The following CADM2 variants were observed in gnomAD, a reference collection of about 807,000 sequenced individuals.
CADM2 encodes the protein immunoglobulin superfamily member 4D.
In CADM2, 12 loss-of-function variants were observed where a neutral mutation model predicts 49.8. That is an observed-to-expected ratio of 0.24 (90% CI 0.15 to 0.39). The LOEUF (loss-of-function observed/expected upper bound fraction) is 0.39. Ranked by LOEUF, CADM2 falls within the 10% of genes least tolerant of loss-of-function variation. The pLI is 1.00. For missense variants in CADM2, 378 were observed against 492.3 expected, an observed-to-expected ratio of 0.77 and a Z score of 2.20; for synonymous variants, 214 against 175.4, an observed-to-expected ratio of 1.22 and a Z score of -1.74.
intron 1 of CADM2, among the ~76,000 whole-genome samples, chr3:85,257,746 A>C (rs1207443860): frequency 6.6e-6 from 1 of 152,110 alleles, no homozygotes; most frequent in African/African-American, 2.4e-5. Context: ...AAGGATGTGA[A>C]TTCAAGTGAT....
At chr3:85,189,927 A>C (rs2041166816) in intron 1 of CADM2, among the ~76,000 whole-genome samples, 1 of 147,222 alleles carries the variant, frequency 6.8e-6, no homozygotes, top group South Asian at 2.2e-4. Context: ...TAAGCAGCTT[A>C]CACAAGGTAG....
chr3:85,720,603 T>G (rs1164130164), intron 1 of CADM2, among the ~76,000 whole-genome samples: 1 of 152,292 alleles, frequency 6.6e-6, no homozygotes, highest in South Asian at 2.1e-4. Context: ...AAATAAAAAC[T>G]AGTGAAATAA....
intron 7 of CADM2, among the ~76,000 whole-genome samples, chr3:85,939,303 G>C (rs181498807): frequency 6.6e-6 from 1 of 152,106 alleles, no homozygotes; most frequent in African/African-American, 2.4e-5. Flanking sequence ...AGAGATTACT[G>C]TACATGTCTG....
intron 1 of CADM2, among the ~76,000 whole-genome samples, chr3:85,586,627 C>T (rs888000750): frequency 6.6e-6 from 1 of 152,006 alleles, no homozygotes; most frequent in African/African-American, 2.4e-5. Context: ...ACAGATGTGG[C>T]TATTTTAAAG....
intron 3 of CADM2, among the ~76,000 whole-genome samples, chr3:85,835,289 G>A (rs1034130494): frequency 4.7e-5 from 7 of 149,968 alleles, no homozygotes; most frequent in African/African-American, 1.5e-4. Flanking sequence ...GTGAGAGGTA[G>A]CTACTGTGAA....
At chr3:85,674,002 G>A (rs2065821311) in intron 1 of CADM2, among the ~76,000 whole-genome samples, 1 of 152,090 alleles carries the variant, frequency 6.6e-6, no homozygotes, top group Non-Finnish European at 1.5e-5. Context: ...AGAATCCACT[G>A]TCCTCTGTTT....
At position 85,541,718 on chromosome 3, in the gene CADM2, T is replaced by TTTA. The variant is rs1559897434; in HGVS notation, c.62-184803_62-184802insTAT. Among the ~76,000 whole-genome samples the TTTA allele has an allele frequency of 1.6e-4, 14 of 89,426 alleles. No homozygotes were observed. In the East Asian group the frequency reaches 1.9e-3, roughly 12 times the overall value. 58.7% of individuals were successfully genotyped at this position (89,426 alleles called of 152,430 possible). A position where few individuals can be genotyped will look rare whatever the true frequency, so the allele number is the denominator to read the frequency against. On this transcript the variant is annotated intron_variant, in intron 1 of 9. Coordinates refer to ENST00000383699, the MANE Select transcript of CADM2 (RefSeq NM_001167675.2). ...AATTAAATTATATATATATTTTATATTATATATATATATTTTATATATATA... is the reference window on the plus strand; with the variant it reads ...AATTAAATTATATATATATTTTATATTTATATATATATATATTTTATATATATA...
chr3:85,651,090 C>T (rs1371136497), intron 1 of CADM2, among the ~76,000 whole-genome samples: 4 of 151,798 alleles, frequency 2.6e-5, no homozygotes, highest in Admixed American at 6.6e-5. Flanking sequence ...TATTTTAATA[C>T]ATTTCCTCAG....
At chr3:85,491,821 A>G (rs971300978) in intron 1 of CADM2, among the ~76,000 whole-genome samples, 1 of 151,956 alleles carries the variant, frequency 6.6e-6, no homozygotes, top group African/African-American at 2.4e-5. Context: ...GTGTGGTGGC[A>G]GGTGCCTGTA....
chr3:85,877,218 A>T (rs1251430217), intron 3 of CADM2, among the ~76,000 whole-genome samples: 2 of 152,118 alleles, frequency 1.3e-5, no homozygotes, highest in Non-Finnish European at 2.9e-5. Context: ...GTGATATGTG[A>T]ATAACACCCT....
At chr3:86,046,824 T>C (rs1346925672) in intron 8 of CADM2, among the ~76,000 whole-genome samples, 2 of 136,532 alleles carry the variant, frequency 1.5e-5, no homozygotes, top group Non-Finnish European at 3.1e-5. Flanking sequence ...TAGAAGTGAG[T>C]GTTAGCTTTT....
At chr3:85,293,803 C>T (rs1324550277) in intron 1 of CADM2, among the ~76,000 whole-genome samples, 4 of 147,904 alleles carry the variant, frequency 2.7e-5, no homozygotes, top group African/African-American at 1.0e-4. Flanking sequence ...ATAATAAGAG[C>T]TATCTATGAC....
intron 3 of CADM2, among the ~76,000 whole-genome samples, chr3:85,809,306 T>C (rs1559672988): frequency 2.0e-5 from 3 of 152,106 alleles, no homozygotes; most frequent in African/African-American, 7.2e-5. Context: ...ACTTGAGTTT[T>C]CTGGCCAGGT....
intron 1 of CADM2, among the ~76,000 whole-genome samples, chr3:85,270,835 C>A (rs2043226975): frequency 6.6e-6 from 1 of 151,382 alleles, no homozygotes; most frequent in African/African-American, 2.4e-5. Flanking sequence ...ACATTGACTG[C>A]TTCTAAGTGC....
At chr3:85,884,010 G>A (rs1050777438) in intron 4 of CADM2, among the ~76,000 whole-genome samples, 2 of 152,102 alleles carry the variant, frequency 1.3e-5, no homozygotes, top group African/African-American at 4.8e-5. Flanking sequence ...TGTCGCTTCA[G>A]CTTGCAGCTT....
chr3:85,519,091 T>A (rs1004394402), intron 1 of CADM2, among the ~76,000 whole-genome samples: 4 of 152,096 alleles, frequency 2.6e-5, no homozygotes, highest in African/African-American at 9.7e-5. Flanking sequence ...AATATATGTA[T>A]AATAGAGCAT....
intron 1 of CADM2, among the ~76,000 whole-genome samples, chr3:85,454,332 A>G (rs2037892125): frequency 6.6e-6 from 1 of 151,860 alleles, no homozygotes; most frequent in South Asian, 2.1e-4. Context: ...CTCAGTCACA[A>G]AAATAAAAAG....
intron 1 of CADM2, among the ~76,000 whole-genome samples, chr3:85,625,714 T>C (rs1295275610): frequency 6.6e-6 from 1 of 152,000 alleles, no homozygotes; most frequent in Non-Finnish European, 1.5e-5. Context: ...TAACTTCACA[T>C]GAGTAATAAA....
At chr3:85,797,298 G>A (rs1024111620) in intron 2 of CADM2, among the ~76,000 whole-genome samples, 1 of 151,870 alleles carries the variant, frequency 6.6e-6, no homozygotes, top group Non-Finnish European at 1.5e-5. Context: ...GCATACACGT[G>A]CAGAACGTGC....
Sources: allele counts gnomAD v4.1 joint callset (sites outside exome capture counted in the v4.1 genomes callset), GRCh38; gene constraint gnomAD v4.1.1; transcripts MANE v1.5; gene names NCBI Gene and HGNC (gene_info 2026-07-23, HGNC 2026-07-21).